RHBDL3: variants seen among roughly 807,000 people sequenced by gnomAD.
RHBDL3 encodes the protein rhomboid-related protein 3.
Under a neutral mutation model 48.2 loss-of-function variants are expected in RHBDL3, and 28 were observed. That is an observed-to-expected ratio of 0.58 (90% CI 0.43 to 0.80). The LOEUF is 0.80. RHBDL3 is among the 30% of genes least tolerant of loss of function. The probability of loss-of-function intolerance (pLI) is 0.00; values close to 1 mark genes in which losing one functional copy is unlikely to be tolerated. For missense variants in RHBDL3, 464 were observed against 542.7 expected (o/e 0.85, Z 1.44); for synonymous variants, 208 against 232.3 (o/e 0.90, Z 0.95).
intron 8 of RHBDL3, among the ~76,000 whole-genome samples, chr17:32,317,190 C>CT (rs1441340086): frequency 1.3e-5 from 2 of 152,086 alleles, no homozygotes; most frequent in Admixed American, 1.3e-4. Flanking sequence ...ATTTTTTCAT[C>CT]TTTTTATTGA....
intron 6 of RHBDL3, among the ~76,000 whole-genome samples, chr17:32,302,449 C>T (rs1040538461): frequency 1.3e-5 from 2 of 151,978 alleles, no homozygotes; most frequent in African/African-American, 4.8e-5. Flanking sequence ...CTCTGCCTCC[C>T]AGGTTCAAGC....
At chr17:32,294,507 C>A in intron 5 of RHBDL3, 65 bp downstream of exon 5, 1 of 1,436,896 alleles carries the variant, frequency 7.0e-7, no homozygotes, top group Non-Finnish European at 9.4e-7. Context: ...TCAAGATAGC[C>A]TGGATTGAAA....
At position 32,294,294 on chromosome 17, in the gene RHBDL3, G is replaced by A. The variant is rs748515772; in HGVS notation, c.520G>A (p.Val174Ile). 6.2e-7 allele frequency: 1 copy of A among 1,613,616 alleles called. No individual in the cohort carries two copies. The highest frequency in any genetic ancestry group is 8.5e-7 in the Non-Finnish European group (1 of 1,179,786). Residue 174 changes from valine (V) to isoleucine (I), a missense_variant and splice_region_variant, in exon 5 of 9, where the codon GTT becomes ATT. Physicochemically the swap from Val to Ile is conservative, Grantham distance 29. Transcript: ENST00000269051. ...WFMITVTLLE[V>I]AFFLYNGVSL... is the part of the protein sequence containing the mutation. ...AACAGACTCTCTCTCTTCTGTCCAG[G>A]TTGCCTTTTTCCTCTACAATGGGGT...
At chr17:32,298,262 C>G (rs1469752364) in intron 6 of RHBDL3, 58 bp downstream of exon 6, 1 of 1,179,064 alleles carries the variant, frequency 8.5e-7, no homozygotes, top group Admixed American at 1.8e-5. Context: ...GGGTGGGAGA[C>G]CCTGTGGGGC....
At chr17:32,301,054 G>C (rs1036426625) in intron 6 of RHBDL3, among the ~76,000 whole-genome samples, 1 of 152,096 alleles carries the variant, frequency 6.6e-6, no homozygotes, top group East Asian at 1.9e-4. Flanking sequence ...TAATTTTTTT[G>C]TATTTTTAGT....
Position 32,322,770 on chromosome 17 carries a change from A to T in RHBDL3, c.*1541A>T, listed in dbSNP as rs1275576290. On this transcript the variant is annotated 3_prime_UTR_variant, in exon 9 of 9. Coordinates refer to ENST00000269051, the MANE Select transcript of RHBDL3 (RefSeq NM_138328.3). ...TGGAGGGAATGACCCTCCTAACAGG[A>T]GCTGGTGCAGGCCCCGAATGGAGGG... 1 of 152,292 alleles carries T rather than the reference A, an allele frequency of 6.6e-6. No individual in the cohort carries two copies. Among genetic ancestry groups the T allele is most frequent in the East Asian group, 1.9e-4 (1 of 5,198 alleles). 9.4% of individuals were successfully genotyped at this position (152,292 alleles called of 1,614,324 possible). A position where few individuals can be genotyped will look rare whatever the true frequency, so the allele number is the denominator to read the frequency against.
rs1467450310 is a variant in RHBDL3 at position 32,321,028 on chromosome 17, A to G, written c.1014A>G (p.Pro338=). ...HPSAYPPCPH[P]SFVAHLGGVA... ...CGGCCTATCCCCCGTGCCCTCACCC[A>G]AGCTTTGTGGCGCACTTGGGTGGCG... The change falls in exon 9 of 9, where the codon CCA becomes CCG. Residue 338 remains proline, a synonymous_variant. Coordinates refer to ENST00000269051, the MANE Select transcript of RHBDL3 (RefSeq NM_138328.3). 6.2e-7 allele frequency: 1 copy of G among 1,614,196 alleles called. No homozygotes were observed. Among genetic ancestry groups the G allele is most frequent in the Admixed American group, 1.7e-5 (1 of 60,028 alleles).
At chr17:32,296,366 C>T (rs1280137396) in intron 5 of RHBDL3, among the ~76,000 whole-genome samples, 108 of 106,970 alleles carry the variant, frequency 1.0e-3, no homozygotes, top group African/African-American at 3.7e-3. Context: ...GATGGAGTCT[C>T]GTTGTGTCAC....
At chr17:32,271,869 T>C (rs1465637795) in intron 2 of RHBDL3, among the ~76,000 whole-genome samples, 1 of 152,242 alleles carries the variant, frequency 6.6e-6, no homozygotes, top group African/African-American at 2.4e-5. Flanking sequence ...AAGTACTGAC[T>C]GTCTCACCAA....
intron 7 of RHBDL3, among the ~76,000 whole-genome samples, chr17:32,311,762 C>G (rs980805198): frequency 6.6e-6 from 1 of 152,198 alleles, no homozygotes; most frequent in Non-Finnish European, 1.5e-5. Context: ...AACTCCCCGT[C>G]TTTGTCTCAG....
intron 2 of RHBDL3, among the ~76,000 whole-genome samples, chr17:32,280,211 C>T (rs548569113): frequency 2.8e-4 from 43 of 152,280 alleles, no homozygotes; most frequent in African/African-American, 7.5e-4. Context: ...TGGGCCCCTA[C>T]GGCCCATTCA....
chr17:32,316,220 CT>C lies in RHBDL3; in HGVS notation c.883-7del. 9 of 1,609,624 alleles carry C rather than the reference CT, an allele frequency of 5.6e-6. No individual in the cohort carries two copies. Among genetic ancestry groups the C allele is most frequent in the Non-Finnish European group, 7.7e-6 (9 of 1,176,138 alleles). On this transcript the variant is annotated splice_polypyrimidine_tract_variant and intron_variant, in intron 7 of 8. Coordinates refer to ENST00000269051, the MANE Select transcript of RHBDL3 (RefSeq NM_138328.3). ...CTAATCTGGAACTGACTGAGCTCTC[CT>C]TTTTCCCTAGAACTGGTCAGGCATG...
At position 32,310,728 on chromosome 17, in the gene RHBDL3, T is replaced by A. The variant is rs60165559; in HGVS notation, c.882+5287T>A. ...ACTCCGTCTAAAAAAAATATATATATAAAAAATTAGCCAGGCGTGGTGGCG... is the reference window on the plus strand; with the variant it reads ...ACTCCGTCTAAAAAAAATATATATAAAAAAAATTAGCCAGGCGTGGTGGCG... On this transcript the variant is annotated intron_variant, in intron 7 of 8. Coordinates refer to ENST00000269051, the MANE Select transcript of RHBDL3 (RefSeq NM_138328.3). 5.7e-3 allele frequency among the ~76,000 whole-genome samples: 570 copies of A among 99,868 alleles called. 10 individuals are homozygous for A. Among genetic ancestry groups the A allele is most frequent in the Middle Eastern group, 0.011 (2 of 188 alleles). The allele number at this position is 99,868 out of a possible 152,430, so 65.5% of individuals were successfully genotyped here.
chr17:32,289,364 C>T (rs1009263990), intron 4 of RHBDL3, among the ~76,000 whole-genome samples: 2 of 152,024 alleles, frequency 1.3e-5, no homozygotes, highest in Non-Finnish European at 2.9e-5. Context: ...GCCAGGCTAA[C>T]TCATTAAAGC....
At chr17:32,270,945 C>CAACA (rs2039758610) in intron 2 of RHBDL3, among the ~76,000 whole-genome samples, 1 of 152,074 alleles carries the variant, frequency 6.6e-6, no homozygotes, top group Non-Finnish European at 1.5e-5. Context: ...CCTGTAATCC[C>CAACA]AACACTTTGG....
chr17:32,308,393 G>A (rs2040760022), intron 7 of RHBDL3, among the ~76,000 whole-genome samples: 1 of 151,698 alleles, frequency 6.6e-6, no homozygotes, highest in Non-Finnish European at 1.5e-5. Flanking sequence ...GACCAGCCTG[G>A]GCAACATCTC....
At chr17:32,305,529 C>A in intron 7 of RHBDL3, 88 bp downstream of exon 7, 1 of 965,398 alleles carries the variant, frequency 1.0e-6, no homozygotes, top group Non-Finnish European at 1.7e-6. Flanking sequence ...GGCTGGCTCA[C>A]CAAAAACCAG....
At chr17:32,274,076 G>A (rs2039838987) in intron 2 of RHBDL3, among the ~76,000 whole-genome samples, 4 of 152,142 alleles carry the variant, frequency 2.6e-5, no homozygotes, top group Admixed American at 2.6e-4. Flanking sequence ...GCCCCAGTTG[G>A]GGTTCCTTCC....
rs372060151 is a variant in RHBDL3 at position 32,283,530 on chromosome 17, A to G, written c.136-1129A>G. ...AGTAGAGACGGGGTTTCACCGTGTT[A>G]GCCAGGATGGTCTCCATCTCCTGAC... On this transcript the variant is annotated intron_variant, in intron 2 of 8. Coordinates refer to ENST00000269051, the MANE Select transcript of RHBDL3 (RefSeq NM_138328.3). Among the ~76,000 whole-genome samples the G allele has an allele frequency of 5.5e-3, 831 of 151,308 alleles. 6 individuals are homozygous for G. The highest frequency in any genetic ancestry group is 8.3e-3 in the South Asian group (40 of 4,802).
Sources: allele counts gnomAD v4.1 joint callset (sites outside exome capture counted in the v4.1 genomes callset), GRCh38; gene constraint gnomAD v4.1.1; transcripts MANE v1.5; gene names NCBI Gene and HGNC (gene_info 2026-07-23, HGNC 2026-07-21).